POGZ: variants seen among roughly 807,000 people sequenced by gnomAD.
The protein encoded by POGZ is pogo transposable element derived with ZNF domain.
Under a neutral mutation model 134.6 loss-of-function variants are expected in POGZ, and 17 were observed. That is an observed-to-expected ratio of 0.13 (90% confidence interval 0.09 to 0.19). The LOEUF (loss-of-function observed/expected upper bound fraction) is 0.19. POGZ is among the 10% of genes least tolerant of loss of function. POGZ has a pLI of 1.00. For synonymous variants in POGZ, 693 were observed against 657.1 expected, an observed-to-expected ratio of 1.05 and a Z score of -0.84; for missense variants, 1,306 against 1,769.7, an observed-to-expected ratio of 0.74 and a Z score of 4.70.
At chr1:151,458,983 ACTCGCGGTGGGCGGGGGCGCGCACCGCCG>A (rs1238121619) in intron 1 of POGZ, among the ~76,000 whole-genome samples, 140 bp downstream of exon 1, 1 of 135,942 alleles carries the variant, frequency 7.4e-6, no homozygotes, top group Non-Finnish European at 1.6e-5. Context: ...CCGCGCCGCC[ACTCGCGGTGGGCGGGGGCGCGCACCGCCG>A]GCCCCCCGCC....
At chr1:151,458,320 G>A (rs895842802) in intron 1 of POGZ, among the ~76,000 whole-genome samples, 19 of 152,014 alleles carry the variant, frequency 1.2e-4, no homozygotes, top group African/African-American at 3.4e-4. Flanking sequence ...ACCGCGGCAG[G>A]ACATAATCAC....
chr1:151,451,379 C>T (rs1662057108), intron 1 of POGZ, among the ~76,000 whole-genome samples: 1 of 151,542 alleles, frequency 6.6e-6, no homozygotes, highest in African/African-American at 2.4e-5. Context: ...CAGGCTGGAG[C>T]CCAATGGCGC....
At chr1:151,456,640 T>C (rs1357399547) in intron 1 of POGZ, among the ~76,000 whole-genome samples, 1 of 152,316 alleles carries the variant, frequency 6.6e-6, no homozygotes, top group South Asian at 2.1e-4. Flanking sequence ...TAAAAAGACA[T>C]GTAGTCAAAA....
Position 151,427,991 on chromosome 1 carries a change from C to T in POGZ, c.910G>A (p.Val304Met). ...PAVSIASFVT[V>M]KRPGVTGENS... ...TCGCCTGTAACACCAGGTCGCTTCA[C>T]AGTGACAAAGCTGGCAATGCTCACT... The change falls in exon 7 of 19, where the codon GTG becomes ATG. Residue 304 changes from valine to methionine, a missense_variant. Transcript: ENST00000271715. 6.2e-7 allele frequency: 1 copy of T among 1,614,202 alleles called. No individual in the cohort carries two copies. The highest frequency in any genetic ancestry group is 8.5e-7 in the Non-Finnish European group (1 of 1,180,048).
In POGZ at chr1:151,434,890, T is replaced by C. The variant is rs571934156; in HGVS notation, c.284-4049A>G. The stretch of plus-strand genomic sequence containing the variant: ...TTCTCCCTCTAAGTTTGCTCTCTCT[T>C]GATTTTTTTCCTTCATTCTTTCTTT... On this transcript the variant is annotated intron_variant, in intron 3 of 18. Coordinates refer to ENST00000271715, the MANE Select transcript of POGZ (RefSeq NM_015100.4). Among the ~76,000 whole-genome samples the C allele has an allele frequency of 3.3e-5, 5 of 152,008 alleles. No individual in the cohort carries two copies. In the East Asian group the frequency reaches 5.8e-4, roughly 18 times the overall value.
chr1:151,406,969 A>G lies in POGZ; in HGVS notation c.2487T>C (p.Ala829=). The G allele has an allele frequency of 6.2e-7, 1 of 1,614,214 alleles. No homozygotes were observed. The highest frequency in any genetic ancestry group is 8.5e-7 in the Non-Finnish European group (1 of 1,180,030). Residue 829 remains alanine (A), a synonymous_variant, in exon 17 of 19, where the codon GCT becomes GCC. Coordinates refer to ENST00000271715, the MANE Select transcript of POGZ (RefSeq NM_015100.4). ...SCTFVTSVGD[A]MAKHLVFNPS... ...GGTTGAATACCAAATGCTTGGCCAT[A>G]GCATCGCCCACAGAGGTAACAAAGG... is the stretch of plus-strand genomic sequence containing the variant.
rs867525746 is a variant in POGZ, at chr1:151,453,966, C to T, written c.-2+5186G>A. ...GGTATTTAATGGGCAGCAAATGTTGCCTATCTTCATCTCAAAGAAAATGAG... is the reference window on the plus strand; with the variant it reads ...GGTATTTAATGGGCAGCAAATGTTGTCTATCTTCATCTCAAAGAAAATGAG... On this transcript the variant is annotated intron_variant, in intron 1 of 18. Transcript: ENST00000271715. 6.6e-5 allele frequency among the ~76,000 whole-genome samples: 10 copies of T among 152,174 alleles called. No individual in the cohort carries two copies. The South Asian group carries it at 1.4e-3, about 22-fold the overall frequency.
chr1:151,436,533 TC>T (rs1191063996), intron 3 of POGZ, among the ~76,000 whole-genome samples: 1 of 152,150 alleles, frequency 6.6e-6, no homozygotes, highest in Non-Finnish European at 1.5e-5. Context: ...AACCTCCGCC[TC>T]CCGAGTGCAA....
intron 18 of POGZ, 30 bp downstream of exon 18, chr1:151,406,577 A>G: frequency 6.2e-7 from 1 of 1,605,918 alleles, no homozygotes; most frequent in Non-Finnish European, 8.5e-7. Context: ...TGCAAACCAG[A>G]AATTAAATTG....
chr1:151,419,461 A>T (rs1043562764), intron 10 of POGZ, among the ~76,000 whole-genome samples: 3 of 151,922 alleles, frequency 2.0e-5, no homozygotes, highest in Non-Finnish European at 4.4e-5. Context: ...CAGCCTGGGC[A>T]GCATGGCAAA....
intron 1 of POGZ, chr1:151,451,147 A>G (rs1315833826): frequency 6.6e-6 from 1 of 152,142 alleles, no homozygotes; most frequent in South Asian, 2.1e-4. Flanking sequence ...CCTCAAAGGG[A>G]AAGAAAAAAG....
At position 151,428,405 on chromosome 1, in the gene POGZ, T is replaced by C. The variant is rs1325417709; in HGVS notation, c.577A>G (p.Thr193Ala). 9 of 1,613,250 alleles carry C rather than the reference T, an allele frequency of 5.6e-6. No homozygotes were observed. Among genetic ancestry groups the C allele is most frequent in the Non-Finnish European group, 7.6e-6 (9 of 1,179,288 alleles). The change falls in exon 6 of 19, where the codon ACC becomes GCC. Residue 193 changes from threonine (T) to alanine (A), a missense_variant. Physicochemically the swap from Thr to Ala is moderately conservative, Grantham distance 58. This residue lies in a region of POGZ where 541 missense variants were observed against 680.5 expected (regional missense o/e 0.80). Coordinates refer to ENST00000271715, the MANE Select transcript of POGZ (RefSeq NM_015100.4). ...RPITLVPAPG[T>A]QFVKPTVGVP... ...CCAACTGTCGGCTTAACAAACTGGG[T>C]ACCTGGGGCTTTAAAAGAGAGACAA... is the stretch of plus-strand genomic sequence containing the variant.
At chr1:151,419,870 T>A (rs1461296079) in intron 10 of POGZ, among the ~76,000 whole-genome samples, 1 of 152,070 alleles carries the variant, frequency 6.6e-6, no homozygotes, top group Non-Finnish European at 1.5e-5. Flanking sequence ...AGGGTCTACA[T>A]TGTTTCTTTT....
chr1:151,452,664 G>A (rs1267329371), intron 1 of POGZ, among the ~76,000 whole-genome samples: 3 of 152,000 alleles, frequency 2.0e-5, no homozygotes, highest in Admixed American at 6.6e-5. Flanking sequence ...AGGAGTTCGA[G>A]ACCAGCCTGG....
At chr1:151,416,892 A>G (rs1655823727) in intron 10 of POGZ, among the ~76,000 whole-genome samples, 1 of 152,142 alleles carries the variant, frequency 6.6e-6, no homozygotes, top group South Asian at 2.1e-4. Flanking sequence ...TTGGCCTCCC[A>G]AAGTGCTAGG....
intron 1 of POGZ, 52 bp from the exon 2 acceptor site, chr1:151,442,257 C>A: frequency 6.5e-7 from 1 of 1,536,550 alleles, no homozygotes; most frequent in Non-Finnish European, 8.9e-7. Flanking sequence ...GGAGATATTG[C>A]TTTATACCAA....
At chr1:151,416,547 C>T (rs967915508) in intron 10 of POGZ, among the ~76,000 whole-genome samples, 3 of 151,610 alleles carry the variant, frequency 2.0e-5, no homozygotes, top group African/African-American at 7.3e-5. Flanking sequence ...GAAAAGAACC[C>T]TAGGGCCATA....
Position 151,405,146 on chromosome 1 carries a change from G to A in POGZ, c.3889C>T (p.Leu1297=). 2 of 1,614,222 alleles carry A rather than the reference G, an allele frequency of 1.2e-6. No homozygotes were observed. The highest frequency in any genetic ancestry group is 1.7e-6 in the Non-Finnish European group (2 of 1,180,042). The part of the protein sequence containing the change: ...MADTACDSDV[L]LQLVLVWLGE... Reference sequence around the variant, plus strand: ...AGCCAGACAAGCACCAGCTGAAGCAGGACATCAGAATCACATGCAGTATCT... The same window carrying A: ...AGCCAGACAAGCACCAGCTGAAGCAAGACATCAGAATCACATGCAGTATCT... Residue 1297 remains leucine (L), a synonymous_variant, in exon 19 of 19, where the codon CTG becomes TTG. Transcript: ENST00000271715. The surrounding 1 kb of genome is among the most constrained non-coding windows in gnomAD (Gnocchi z 4.9).
At chr1:151,438,452 A>T (rs1659986858) in intron 3 of POGZ, among the ~76,000 whole-genome samples, 2 of 152,062 alleles carry the variant, frequency 1.3e-5, no homozygotes, top group Admixed American at 1.3e-4. Flanking sequence ...TAAATATTAG[A>T]GGCTTTTGAA....
Sources: allele counts gnomAD v4.1 joint callset (sites outside exome capture counted in the v4.1 genomes callset), GRCh38; gene constraint gnomAD v4.1.1; regional missense constraint gnomAD v4.1.1; non-coding constraint Gnocchi (gnomAD v3.1); transcripts MANE v1.5; gene names NCBI Gene and HGNC (gene_info 2026-07-23, HGNC 2026-07-21).